EVPL: variants seen among roughly 807,000 people sequenced by gnomAD.
EVPL encodes 210 kDa cornified envelope precursor protein.
A neutral mutation model predicts 129.7 loss-of-function variants in EVPL; 94 were observed. The observed-to-expected ratio is 0.72, with a 90% CI of 0.61 to 0.86. The LOEUF is 0.86. Among genes scored for constraint, EVPL ranks in the 40% least tolerant of loss-of-function variants. The pLI is 0.00. For missense variants in EVPL, 2,625 were observed against 2,721.1 expected (o/e 0.96, Z 0.79); for synonymous variants, 1,172 against 1,191.1 (o/e 0.98, Z 0.33).
rs538780106 is a variant in EVPL, at chr17:76,010,638, G to A, written c.2662-95C>T. ...TGAAAGACCCCTCCCTGTTTCCTGA[G>A]ACTCCCCAGTGGGTCCTCAGAGGTG... On this transcript the variant is annotated intron_variant, in intron 21 of 21. Coordinates refer to ENST00000301607, the MANE Select transcript of EVPL (RefSeq NM_001988.4). The A allele has an allele frequency of 1.7e-3, 2,296 of 1,363,446 alleles. 3 individuals are homozygous for A. The highest frequency in any genetic ancestry group is 2.1e-3 in the Non-Finnish European group (2,105 of 1,025,720). 84.5% of individuals were successfully genotyped at this position (1,363,446 alleles called of 1,614,324 possible).
chr17:76,018,668 G>T, intron 11 of EVPL, 68 bp from the exon 12 acceptor site: 1 of 1,502,364 alleles, frequency 6.7e-7, no homozygotes, highest in East Asian at 2.3e-5. Context: ...GGGCAGAGTA[G>T]GGGCTGGGGA....
In EVPL at chr17:76,011,824, G is replaced by A. The variant is rs1400529360; in HGVS notation, c.2516C>T (p.Ser839Leu). 6.2e-7 allele frequency: 1 copy of A among 1,612,966 alleles called. No individual in the cohort carries two copies. Among genetic ancestry groups the A allele is most frequent in the Non-Finnish European group, 8.5e-7 (1 of 1,179,682 alleles). ...RCSLEPTLAV[S>L]APKRPRVAPL... ...AGCCACTCGGGGTCTCTTGGGGGCT[G>A]ACACTGCCAGGGTGGGCTCCAAAGA... The change falls in exon 20 of 22, where the codon TCA (serine) becomes TTA (leucine). Residue 839 changes from serine to leucine, a missense_variant. Around this residue, in one of 4 missense-constraint regions of EVPL, gnomAD observed 1,024 missense variants for 997.5 expected, o/e 1.03. Transcript: ENST00000301607.
intron 8 of EVPL, 46 bp from the exon 9 acceptor site, chr17:76,021,609 C>CCGGG: frequency 3.1e-6 from 4 of 1,283,886 alleles, no homozygotes; most frequent in Non-Finnish European, 4.1e-6. Flanking sequence ...CCCCCCACGT[C>CCGGG]CGCCCCACCT....
chr17:76,022,488 T>C lies in EVPL; in HGVS notation c.531A>G (p.Gln177=). ...QYGPGMAELE[Q]QIAEHNILQK... ...GCAGGATGTTGTGCTCGGCGATCTG[T>C]TGCTCCAGCTCCGCCATGCCCGGCC... Residue 177 remains glutamine (Q), a synonymous_variant, in exon 5 of 22, where the codon CAA becomes CAG. Transcript: ENST00000301607. This position sits in a 1 kb window ranked among gnomAD's most constrained non-coding sequence, Gnocchi z 5.6. 1.2e-6 allele frequency: 2 copies of C among 1,612,832 alleles called. No individual in the cohort carries two copies. Among genetic ancestry groups the C allele is most frequent in the South Asian group, 1.1e-5 (1 of 90,790 alleles).
At position 76,008,595 on chromosome 17, in the gene EVPL, G is replaced by A; in HGVS notation, c.4610C>T (p.Ala1537Val). The A allele has an allele frequency of 6.2e-7, 1 of 1,611,498 alleles. No individual in the cohort carries two copies. Among genetic ancestry groups the A allele is most frequent in the Non-Finnish European group, 8.5e-7 (1 of 1,180,024 alleles). Residue 1537 changes from alanine (A) to valine (V), a missense_variant, in exon 22 of 22, where the codon GCC becomes GTC. Physicochemically the swap from Ala to Val is moderately conservative, Grantham distance 64. Transcript: ENST00000301607. The surrounding 1 kb of genome is among the most constrained non-coding windows in gnomAD (Gnocchi z 7.4). ...QKDRVLEDERARVWEMLNRER... is the reference protein window; with the variant it reads ...QKDRVLEDERVRVWEMLNRER... ...CCTGTTGAGCATCTCCCACACGCGG[G>A]CCCGCTCATCTTCCAGGACGCGGTC...
chr17:76,015,255 GC>G lies in EVPL; in HGVS notation c.1999del (p.Ala667LeufsTer30). Reference protein sequence around the residue: ...QEAPIPAEPGALQERVSELQR... With the variant: ...QEAPIPAEPGXLQERVSELQR... ...CAGCTCGCTGACCCTCTCCTGCAGAGCCCCCGGTTCAGCAGGGATGGGGGCC... is the reference window on the plus strand; with the variant it reads ...CAGCTCGCTGACCCTCTCCTGCAGAGCCCCGGTTCAGCAGGGATGGGGGCC... On this transcript the variant is annotated frameshift_variant, in exon 16 of 22. Transcript: ENST00000301607. LOFTEE classifies it high-confidence loss of function. 9 of 1,601,192 alleles carry G rather than the reference GC, an allele frequency of 5.6e-6. No homozygotes were observed. The highest frequency in any genetic ancestry group is 1.1e-5 in the South Asian group (1 of 90,476).
Position 76,007,936 on chromosome 17 carries a change from G to C in EVPL, c.5269C>G (p.Arg1757Gly). Reference protein sequence around the residue: ...YSIEAALRCRRISKEEYHLYK... With the variant: ...YSIEAALRCRGISKEEYHLYK... Reference sequence around the variant, plus strand: ...AGATGGTACTCCTCCTTAGAGATGCGCCGGCAGCGGAGGGCGGCCTCGATG... The same window carrying C: ...AGATGGTACTCCTCCTTAGAGATGCCCCGGCAGCGGAGGGCGGCCTCGATG... Residue 1757 changes from arginine to glycine, a missense_variant, in exon 22 of 22, where the codon CGC (arginine) becomes GGC (glycine). By Grantham distance (125) the Arg-to-Gly change is moderately radical. Transcript: ENST00000301607. The surrounding 1 kb of genome is among the most constrained non-coding windows in gnomAD (Gnocchi z 8.8). The C allele has an allele frequency of 6.2e-7, 1 of 1,614,066 alleles. No homozygotes were observed. The highest frequency in any genetic ancestry group is 8.5e-7 in the Non-Finnish European group (1 of 1,180,028).
In EVPL at chr17:76,017,779, G is replaced by A; in HGVS notation, c.1670C>T (p.Thr557Ile). The A allele has an allele frequency of 6.2e-7, 1 of 1,613,152 alleles. No homozygotes were observed. Reference protein sequence around the residue: ...AWARAPLSRPTPLEDLEGRIH... With the variant: ...AWARAPLSRPIPLEDLEGRIH... ...GCGGCCCTCCAAGTCCTCCAAGGGTGTGGGGCGGCTCAGCGGGGCCCGCGC... is the reference window on the plus strand; with the variant it reads ...GCGGCCCTCCAAGTCCTCCAAGGGTATGGGGCGGCTCAGCGGGGCCCGCGC... Residue 557 changes from threonine to isoleucine, a missense_variant, in exon 14 of 22, where the codon ACA becomes ATA. Physicochemically the swap from Thr to Ile is moderately conservative, Grantham distance 89 (BLOSUM62 -1). This residue lies in a region of EVPL where 1,024 missense variants were observed against 997.5 expected (regional missense o/e 1.03). Transcript: ENST00000301607.
intron 11 of EVPL, 43 bp downstream of exon 11, chr17:76,018,871 G>A: frequency 6.7e-7 from 1 of 1,488,968 alleles, no homozygotes; most frequent in Non-Finnish European, 8.9e-7. Context: ...GATGGGTTGG[G>A]CGGGGCTGGA....
At chr17:76,016,893 G>C (rs549138633) in intron 14 of EVPL, among the ~76,000 whole-genome samples, 8 of 152,006 alleles carry the variant, frequency 5.3e-5, no homozygotes, top group African/African-American at 1.9e-4. Flanking sequence ...TCCAGCCTGG[G>C]TGACAAAGTG....
chr17:76,022,234 C>G lies in EVPL; in HGVS notation c.607-7G>C, dbSNP rs984372512. On this transcript the variant is annotated splice_region_variant and splice_polypyrimidine_tract_variant and intron_variant, in intron 5 of 21. Coordinates refer to ENST00000301607, the MANE Select transcript of EVPL (RefSeq NM_001988.4). The surrounding 1 kb of genome is among the most constrained non-coding windows in gnomAD (Gnocchi z 5.6). ...TCCGGATGGTGGCTGCATCCTGCCT[C>G]GACCAAGGGGAGAAACAAGCCCGTG... 1 of 1,613,168 alleles carries G rather than the reference C, an allele frequency of 6.2e-7. No homozygotes were observed. Among genetic ancestry groups the G allele is most frequent in the Non-Finnish European group, 8.5e-7 (1 of 1,179,852 alleles).
intron 18 of EVPL, 78 bp from the exon 19 acceptor site, chr17:76,012,167 G>A (rs976369508): frequency 5.4e-6 from 6 of 1,119,080 alleles, no homozygotes; most frequent in Non-Finnish European, 6.4e-6. Context: ...TGCCTCCAGG[G>A]CCACAGTCAG....
At chr17:76,014,029 G>A (rs1223425498) in intron 18 of EVPL, among the ~76,000 whole-genome samples, 1 of 152,160 alleles carries the variant, frequency 6.6e-6, no homozygotes, top group African/African-American at 2.4e-5. Flanking sequence ...TGACCCGCAA[G>A]TGTGTCCAGC....
In EVPL at chr17:76,007,264, CCTT is replaced by C. The variant is rs752869522; in HGVS notation, c.5938_5940del (p.Lys1980del). On this transcript the variant is annotated inframe_deletion, in exon 22 of 22. Transcript: ENST00000301607. The surrounding 1 kb of genome is among the most constrained non-coding windows in gnomAD (Gnocchi z 8.8). ...TCCTTGGAGATGGGGTCTGTCAAAT[CCTT>C]CTCGTAGCTGGACTCGTCCTGCAGG... The C allele has an allele frequency of 6.4e-7, 1 of 1,566,258 alleles. No homozygotes were observed. The highest frequency in any genetic ancestry group is 1.2e-5 in the South Asian group (1 of 85,266).
Position 76,022,578 on chromosome 17 carries a change from G to A in EVPL, c.481-40C>T, listed in dbSNP as rs146678170. 6,959 of 1,560,466 alleles carry A rather than the reference G, an allele frequency of 4.5e-3. 22 individuals carry two copies. The highest frequency in any genetic ancestry group is 5.3e-3 in the Non-Finnish European group (6,111 of 1,153,416). On this transcript the variant is annotated intron_variant, in intron 4 of 21. Transcript: ENST00000301607. This position sits in a 1 kb window ranked among gnomAD's most constrained non-coding sequence, Gnocchi z 5.6. ...GCGGCTCAGTCCCCAAAGGACCGCG[G>A]TGGGGAGCCAGAGAACCCCACACGC...
At chr17:76,026,601 T>C (rs1356217016) in intron 1 of EVPL, among the ~76,000 whole-genome samples, 2 of 152,120 alleles carry the variant, frequency 1.3e-5, no homozygotes, top group Non-Finnish European at 2.9e-5. Flanking sequence ...GCACAGCCCC[T>C]GCATCCCTAC....
rs1252167623 is a variant in EVPL, at chr17:76,008,188, G to A, written c.5017C>T (p.Gln1673Ter). 6.2e-7 allele frequency: 1 copy of A among 1,614,028 alleles called. No homozygotes were observed. Among genetic ancestry groups the A allele is most frequent in the Non-Finnish European group, 8.5e-7 (1 of 1,180,038 alleles). ...TTGGTCTCTCGCGTCTGGGTCTCCT[G>A]GCTGAGCTCCTCCCGGCTCACCTTG... ...HAKVSREELS[Q>*]ETQTRETNLS... Residue 1673 changes from glutamine to a stop codon, truncating the protein, a stop_gained, in exon 22 of 22, where the codon CAG becomes TAG. Transcript: ENST00000301607. LOFTEE classifies it high-confidence loss of function. This position sits in a 1 kb window ranked among gnomAD's most constrained non-coding sequence, Gnocchi z 7.4.
chr17:76,017,964 T>G, intron 13 of EVPL, 53 bp from the exon 14 acceptor site: 1 of 1,603,308 alleles, frequency 6.2e-7, no homozygotes. Context: ...GACTGCCAGA[T>G]AGGTGCCCCC....
chr17:76,023,467 A>G (rs761991963), intron 3 of EVPL, 33 bp downstream of exon 3: 2 of 1,611,740 alleles, frequency 1.2e-6, no homozygotes, highest in South Asian at 2.2e-5. Context: ...GGTCTTCCCC[A>G]GGGACCCCCA....
Sources: gnomAD v4.1 joint callset for allele counts (sites outside exome capture counted in the v4.1 genomes callset) on GRCh38, gnomAD v4.1.1 for gene constraint, gnomAD v4.1.1 regional missense constraint, Gnocchi (gnomAD v3.1) non-coding constraint, MANE v1.5 for transcripts, NCBI Gene and HGNC (gene_info 2026-07-23, HGNC 2026-07-21) for gene names.